Variants in RAD50 observed in about 807,000 individuals in gnomAD.
RAD50 encodes RAD50 double strand break repair protein.
RAD50 carries 132 observed loss-of-function variants against 168.8 expected under a neutral mutation model. The ratio of observed to expected loss-of-function variants is 0.78; its 90% confidence interval spans 0.68 to 0.90. The LOEUF is 0.90. Ranked by LOEUF, RAD50 falls within the 40% of genes least tolerant of loss-of-function variation. The pLI, the probability that RAD50 is intolerant of heterozygous loss-of-function variation, is 0.00. For missense variants in RAD50, 1,347 were observed against 1,534.4 expected, an observed-to-expected ratio of 0.88 and a Z score of 2.04; for synonymous variants, 525 against 497.4, an observed-to-expected ratio of 1.06 and a Z score of -0.74.
chr5:132,619,885 T>G (rs9687749), intron 21 of RAD50, among the ~76,000 whole-genome samples: 75,238 of 120,970 alleles, frequency 0.62, 22,872 homozygotes, highest in South Asian at 0.69. Flanking sequence ...TATATATATA[T>G]AGAGAGAGAG....
intron 14 of RAD50, 62 bp downstream of exon 14, chr5:132,603,551 G>A (rs1750927291): frequency 2.0e-6 from 3 of 1,530,468 alleles, no homozygotes; most frequent in Middle Eastern, 1.7e-4. Flanking sequence ...AATTTGAAGT[G>A]TGAGAGTTAA....
chr5:132,594,986 T>A lies in RAD50; in HGVS notation c.1911T>A (p.Asp637Glu), dbSNP rs144749616. 205 of 1,613,894 alleles carry A rather than the reference T, an allele frequency of 1.3e-4. No homozygotes were observed. The highest frequency in any genetic ancestry group is 1.7e-4 in the Non-Finnish European group (195 of 1,179,792). Residue 637 changes from aspartate (D) to glutamate (E), a missense_variant, in exon 12 of 25, where the codon GAT (aspartate) becomes GAA (glutamate). This residue lies in a region of RAD50 where 703 missense variants were observed against 767.7 expected (regional missense o/e 0.92). Transcript: ENST00000378823. The stretch of plus-strand genomic sequence containing the variant: ...TGTTTGATGTTTGTGGTAGCCAGGA[T>A]TTTGAAAGTGATTTAGACAGGCTTA... The part of the protein sequence containing the change: ...DKLFDVCGSQ[D>E]FESDLDRLKE...
chr5:132,633,280 T>A (rs1751510745), intron 21 of RAD50, among the ~76,000 whole-genome samples: 1 of 151,672 alleles, frequency 6.6e-6, no homozygotes, highest in Non-Finnish European at 1.5e-5. Flanking sequence ...AATTCTTGTA[T>A]CTTTAGTAGA....
At chr5:132,579,812 A>G (rs755454600) in intron 4 of RAD50, 50 bp from the exon 5 acceptor site, 2 of 1,429,712 alleles carry the variant, frequency 1.4e-6, no homozygotes, top group Non-Finnish European at 2.0e-6. Context: ...ATGAATATAT[A>G]CCATAATTTA....
chr5:132,627,632 TA>T (rs1406068771), intron 21 of RAD50, among the ~76,000 whole-genome samples: 2 of 152,186 alleles, frequency 1.3e-5, no homozygotes, highest in African/African-American at 2.4e-5. Flanking sequence ...ATGGGTGGAA[TA>T]TAGTCAGGGA....
At chr5:132,563,436 A>G (rs1185358362) in intron 2 of RAD50, among the ~76,000 whole-genome samples, 1 of 152,218 alleles carries the variant, frequency 6.6e-6, no homozygotes, top group African/African-American at 2.4e-5. Flanking sequence ...TATATTCTCA[A>G]ATGAAAAAAG....
In RAD50 at chr5:132,594,868, G is replaced by A. The variant is rs587781742; in HGVS notation, c.1794-1G>A. On this transcript the variant is annotated splice_acceptor_variant, in intron 11 of 24. Transcript: ENST00000378823. LOFTEE classifies it high-confidence loss of function. ...AAAATCCATATTTGCTCTTATTTTAGCAAGGAACTAGCTTCATCTGAGCAG... is the reference window on the plus strand; with the variant it reads ...AAAATCCATATTTGCTCTTATTTTAACAAGGAACTAGCTTCATCTGAGCAG... 14 of 1,598,832 alleles carry A rather than the reference G, an allele frequency of 8.8e-6. No homozygotes were observed. The highest frequency in any genetic ancestry group is 4.4e-5 in the South Asian group (4 of 90,488).
Position 132,643,371 on chromosome 5 carries a change from C to T in RAD50, c.*1007C>T, listed in dbSNP as rs1751776682. 1 of 247,748 alleles carries T rather than the reference C, an allele frequency of 4.0e-6. No individual in the cohort carries two copies. Among genetic ancestry groups the T allele is most frequent in the African/African-American group, 2.1e-5 (1 of 46,930 alleles). The allele number at this position is 247,748 out of a possible 1,614,324, so 15.3% of individuals were successfully genotyped here. A position where few individuals can be genotyped will look rare whatever the true frequency, so the allele number is the denominator to read the frequency against. On this transcript the variant is annotated 3_prime_UTR_variant, in exon 25 of 25. Transcript: ENST00000378823. The stretch of plus-strand genomic sequence containing the variant: ...TGACATCTTGAATCCTTCCATTCCA[C>T]ACAGAATGCAACCAAGTCACACGCT...
rs183283566 is a variant in RAD50 at position 132,637,910 on chromosome 5, C to A, written c.3476-171C>A. 637 of 730,900 alleles carry A rather than the reference C, an allele frequency of 8.7e-4. 1 individual carries two copies. The highest frequency in any genetic ancestry group is 1.3e-3 in the Non-Finnish European group (587 of 446,092). 45.3% of individuals were successfully genotyped at this position (730,900 alleles called of 1,614,324 possible). On this transcript the variant is annotated intron_variant, in intron 22 of 24. Transcript: ENST00000378823. ...GGCATCTGGGTTGCTTCTGGCCAGA[C>A]CACCAGGCTCTTGAATCCTCCCAGC...
intron 16 of RAD50, among the ~76,000 whole-genome samples, 190 bp downstream of exon 16, chr5:132,605,189 C>G (rs1285315603): frequency 6.6e-6 from 1 of 152,154 alleles, no homozygotes; most frequent in East Asian, 1.9e-4. Context: ...GGATTACAGG[C>G]GTGCACCACC....
chr5:132,604,743 A>G, intron 15 of RAD50, 63 bp from the exon 16 acceptor site: 1 of 1,338,828 alleles, frequency 7.5e-7, no homozygotes, highest in Non-Finnish European at 1.1e-6. Flanking sequence ...AATGGGAAGA[A>G]TGATACAAAT....
chr5:132,591,805 AATTT>A, intron 10 of RAD50, 68 bp from the exon 11 acceptor site: 1 of 1,147,262 alleles, frequency 8.7e-7, no homozygotes, highest in Admixed American at 2.1e-5. Context: ...GTCAGTCTAG[AATTT>A]ATTTTTGTTC....
intron 19 of RAD50, 37 bp downstream of exon 19, chr5:132,609,433 T>C (rs1751047169): frequency 3.3e-5 from 53 of 1,609,244 alleles, no homozygotes; most frequent in Non-Finnish European, 4.4e-5. Context: ...CTTACACCTA[T>C]GACATTCTTT....
chr5:132,636,988 T>C (rs1219979339), intron 21 of RAD50, 127 bp from the exon 22 acceptor site: 2 of 774,300 alleles, frequency 2.6e-6, no homozygotes, highest in Non-Finnish European at 3.3e-6. Context: ...ACTTTTACCA[T>C]TGAAAATATT....
At chr5:132,563,975 G>A (rs767632003) in intron 2 of RAD50, among the ~76,000 whole-genome samples, 1 of 152,288 alleles carries the variant, frequency 6.6e-6, no homozygotes, top group South Asian at 2.1e-4. Flanking sequence ...TGCCATGATT[G>A]TAAGTTTCCT....
At chr5:132,578,011 C>A (rs567607065) in intron 3 of RAD50, among the ~76,000 whole-genome samples, 32 of 151,988 alleles carry the variant, frequency 2.1e-4, no homozygotes, top group Non-Finnish European at 4.3e-4. Flanking sequence ...GATGGGGTTT[C>A]ACCATGTTAG....
intron 3 of RAD50, among the ~76,000 whole-genome samples, chr5:132,578,524 C>CTTTTTTTTTTTTTTTTTTTTTTT (rs903882684): frequency 2.4e-5 from 2 of 84,342 alleles, no homozygotes; most frequent in Non-Finnish European, 4.5e-5. Context: ...TTTTTTCTTT[C>CTTTTTTTTTTTTTTTTTTTTTTT]TTTTTTTTTT....
rs1301112019 is a variant in RAD50, at chr5:132,643,669, A to T, written c.*1305A>T. On this transcript the variant is annotated 3_prime_UTR_variant, in exon 25 of 25. Coordinates refer to ENST00000378823, the MANE Select transcript of RAD50 (RefSeq NM_005732.4). ...CTTTATACAGCAAAGGAAACTTTGC[A>T]GATGTGATTAAAGCTAAGGACCTTA... 2 of 147,462 alleles carry T rather than the reference A, an allele frequency of 1.4e-5. No homozygotes were observed. The highest frequency in any genetic ancestry group is 5.1e-5 in the African/African-American group (2 of 39,118). 9.1% of individuals were successfully genotyped at this position (147,462 alleles called of 1,614,324 possible). A position where few individuals can be genotyped will look rare whatever the true frequency, so the allele number is the denominator to read the frequency against.
At chr5:132,574,979 T>G (rs866058955) in intron 2 of RAD50, among the ~76,000 whole-genome samples, 7 of 152,206 alleles carry the variant, frequency 4.6e-5, no homozygotes, top group African/African-American at 1.7e-4. Flanking sequence ...AGTTCCAAAC[T>G]TTCCCATATT....
Sources: gnomAD v4.1 joint callset for allele counts (sites outside exome capture counted in the v4.1 genomes callset) on GRCh38, gnomAD v4.1.1 for gene constraint, gnomAD v4.1.1 regional missense constraint, MANE v1.5 for transcripts, NCBI Gene and HGNC (gene_info 2026-07-23, HGNC 2026-07-21) for gene names.